The following NAV1 variants were observed in gnomAD, a reference collection of about 807,000 sequenced individuals.
The protein encoded by NAV1 is neuron navigator 1.
In NAV1, 18 loss-of-function variants were observed where a neutral mutation model predicts 175.2. The ratio of observed to expected loss-of-function variants is 0.10; its 90% CI spans 0.07 to 0.15. NAV1 has a LOEUF of 0.15. NAV1 is among the 10% of genes least tolerant of loss of function. The pLI is 1.00. For missense variants in NAV1, 1,731 were observed against 2,436.6 expected (o/e 0.71, Z 6.10); for synonymous variants, 897 against 978.7 (o/e 0.92, Z 1.56).
chr1:201,756,870 T>TTCTTTC (rs1674538159), intron 3 of NAV1, among the ~76,000 whole-genome samples: 1 of 109,808 alleles, frequency 9.1e-6, no homozygotes, highest in Non-Finnish European at 1.8e-5. Flanking sequence ...CTTTCTTTCT[T>TTCTTTC]TCTTTCTTTC....
At chr1:201,798,446 G>C (rs1677596121) in intron 15 of NAV1, 1 of 151,958 alleles carries the variant, frequency 6.6e-6, no homozygotes, top group Non-Finnish European at 1.5e-5. Flanking sequence ...TTCAAGACAA[G>C]CCTGGGCAAC....
intron 14 of NAV1, chr1:201,794,139 T>C: frequency 1.5e-6 from 1 of 674,234 alleles, no homozygotes; most frequent in South Asian, 1.5e-5. Flanking sequence ...CTCCTGCTAA[T>C]CCCAACTAAT....
intron 3 of NAV1, among the ~76,000 whole-genome samples, chr1:201,744,341 T>C (rs1390439290): frequency 6.6e-6 from 1 of 151,446 alleles, no homozygotes; most frequent in African/African-American, 2.4e-5. Context: ...TTTATTTATT[T>C]ATTTATTCAT....
chr1:201,672,944 G>A (rs910123813), intron 1 of NAV1, among the ~76,000 whole-genome samples: 1 of 152,148 alleles, frequency 6.6e-6, no homozygotes, highest in Non-Finnish European at 1.5e-5. Context: ...AGCCCTTGGG[G>A]TGCATGTTAG....
intron 1 of NAV1, among the ~76,000 whole-genome samples, chr1:201,687,804 A>C (rs1670742624): frequency 6.6e-6 from 1 of 152,170 alleles, no homozygotes; most frequent in Admixed American, 6.5e-5. Context: ...GTGGCCTGGG[A>C]ACTGATGGGA....
exon 29 of NAV1, chr1:201,817,247 A>G (rs763799378): frequency 6.2e-7 from 1 of 1,614,154 alleles, no homozygotes; most frequent in Admixed American, 1.7e-5. Context: ...TAGGACAGTC[A>G]AAGACAGCAC....
chr1:201,565,773 C>T lies in NAV1; in HGVS notation c.-143-22766C>T, dbSNP rs1557999508. Among the ~76,000 whole-genome samples, 3 of 152,188 alleles carry T rather than the reference C, an allele frequency of 2.0e-5. No individual in the cohort carries two copies. In the South Asian group the frequency reaches 6.2e-4, roughly 31 times the overall value. Reference sequence around the variant, plus strand: ...TCTCTGGGGGAAACTGAGGCCCACACAGTTGAAGGTGGGACCCCAGGCCAC... The same window carrying T: ...TCTCTGGGGGAAACTGAGGCCCACATAGTTGAAGGTGGGACCCCAGGCCAC... On this transcript the variant is annotated intron_variant, in intron 1 of 33. Transcript: ENST00000685211.
At chr1:201,615,837 G>T (rs138665949) in intron 2 of NAV1, among the ~76,000 whole-genome samples, 1 of 152,252 alleles carries the variant, frequency 6.6e-6, no homozygotes, top group Non-Finnish European at 1.5e-5. Flanking sequence ...GAGCATTTGG[G>T]TGTTATTGTG....
chr1:201,554,434 TG>T (rs1665953407), intron 1 of NAV1, among the ~76,000 whole-genome samples: 1 of 152,150 alleles, frequency 6.6e-6, no homozygotes, highest in South Asian at 2.1e-4. Flanking sequence ...TAAAGAGGTG[TG>T]GGACCAACTA....
chr1:201,612,538 C>T (rs1257774038), intron 2 of NAV1, among the ~76,000 whole-genome samples: 1 of 152,170 alleles, frequency 6.6e-6, no homozygotes, highest in Admixed American at 6.5e-5. Context: ...AAGGTGCCAG[C>T]AGATTTGGTG....
At chr1:201,668,411 A>T (rs1669908538) in intron 1 of NAV1, among the ~76,000 whole-genome samples, 1 of 152,202 alleles carries the variant, frequency 6.6e-6, no homozygotes, top group Non-Finnish European at 1.5e-5. Context: ...TGGCACAGAG[A>T]ACCGTGTGCC....
At chr1:201,605,803 G>A (rs1216659386) in intron 2 of NAV1, among the ~76,000 whole-genome samples, 1 of 152,172 alleles carries the variant, frequency 6.6e-6, no homozygotes, top group Non-Finnish European at 1.5e-5. Flanking sequence ...AGGGGGAATG[G>A]GAGATACCAT....
chr1:201,754,434 AC>A (rs1674327981), intron 3 of NAV1, among the ~76,000 whole-genome samples: 1 of 152,252 alleles, frequency 6.6e-6, no homozygotes, highest in South Asian at 2.1e-4. Context: ...GTTAAATGCA[AC>A]GCAGAAGTCA....
At chr1:201,791,506 A>T (rs1022161604) in intron 13 of NAV1, 4 of 152,238 alleles carry the variant, frequency 2.6e-5, no homozygotes, top group African/African-American at 9.6e-5. Context: ...CAAACAGAGA[A>T]CATAAGAGCC....
chr1:201,712,393 C>T (rs375954878), intron 1 of NAV1, among the ~76,000 whole-genome samples: 7 of 152,186 alleles, frequency 4.6e-5, no homozygotes, highest in African/African-American at 9.7e-5. Flanking sequence ...CCCCTTCCTC[C>T]GAAAGCCAGT....
intron 1 of NAV1, among the ~76,000 whole-genome samples, chr1:201,550,665 G>T (rs1665828551): frequency 6.6e-6 from 1 of 152,190 alleles, no homozygotes; most frequent in Non-Finnish European, 1.5e-5. Flanking sequence ...TTGACACAAT[G>T]TTACATTTTA....
At chr1:201,587,517 C>A (rs1026217780) in intron 1 of NAV1, among the ~76,000 whole-genome samples, 3 of 151,906 alleles carry the variant, frequency 2.0e-5, no homozygotes, top group Admixed American at 6.6e-5. Context: ...AAAACCTCAT[C>A]TTTACAAAAG....
At chr1:201,639,751 G>A (rs1668698611) in intron 2 of NAV1, among the ~76,000 whole-genome samples, 1 of 152,150 alleles carries the variant, frequency 6.6e-6, no homozygotes, top group South Asian at 2.1e-4. Context: ...CGAGAACCCT[G>A]CCTCTGAAGG....
In NAV1 at chr1:201,539,754, C is replaced by A. The variant is rs1210792312; in HGVS notation, c.-144+412C>A. Among the ~76,000 whole-genome samples the A allele has an allele frequency of 1.3e-5, 2 of 152,204 alleles. No individual in the cohort carries two copies. Among genetic ancestry groups the A allele is most frequent in the African/African-American group, 4.8e-5 (2 of 41,456 alleles). On this transcript the variant is annotated intron_variant, in intron 1 of 33. Transcript: ENST00000685211. This position sits in a 1 kb window ranked among gnomAD's most constrained non-coding sequence, Gnocchi z 5.6. ...CCCACACGGCAAGCACACACCCTACCCGCACCTCTGCCTTTCGTTGAAGCA... is the reference window on the plus strand; with the variant it reads ...CCCACACGGCAAGCACACACCCTACACGCACCTCTGCCTTTCGTTGAAGCA...
Sources: allele counts gnomAD v4.1 joint callset (sites outside exome capture counted in the v4.1 genomes callset), GRCh38; gene constraint gnomAD v4.1.1; non-coding constraint Gnocchi (gnomAD v3.1); transcripts MANE v1.5; gene names NCBI Gene and HGNC (gene_info 2026-07-23, HGNC 2026-07-21).